The following IL26 variants were observed in gnomAD, a reference collection of about 807,000 sequenced individuals.
IL26 encodes the protein interleukin 26, also known as interleukin-26.
IL26 carries 23 observed loss-of-function variants against 21.7 expected under a neutral mutation model. The ratio of observed to expected loss-of-function variants is 1.06; its 90% confidence interval spans 0.76 to 1.50. The LOEUF (loss-of-function observed/expected upper bound fraction) is 1.50. Ranked by LOEUF, IL26 falls within the 40% of genes most tolerant of loss-of-function variation. The pLI is 0.00. For missense variants in IL26, 204 were observed against 196.0 expected (o/e 1.04, Z -0.24); for synonymous variants, 63 against 67.8 (o/e 0.93, Z 0.34).
intron 3 of IL26, among the ~76,000 whole-genome samples, chr12:68,216,918 A>G (rs557830015): frequency 1.3e-5 from 2 of 152,336 alleles, no homozygotes; most frequent in South Asian, 4.1e-4. Flanking sequence ...TTTGATCACT[A>G]GCAATTAGGT....
At chr12:68,208,501 T>C (rs1232004746) in intron 3 of IL26, among the ~76,000 whole-genome samples, 2 of 151,856 alleles carry the variant, frequency 1.3e-5, no homozygotes, top group Non-Finnish European at 2.9e-5. Context: ...TTTCTTTCTT[T>C]GTTTCTTTTT....
chr12:68,216,206 G>T (rs1391426062), intron 3 of IL26, among the ~76,000 whole-genome samples: 1 of 151,846 alleles, frequency 6.6e-6, no homozygotes, highest in Non-Finnish European at 1.5e-5. Context: ...CAGGGGAATC[G>T]CTTGAACCCA....
At position 68,201,804 on chromosome 12, in the gene IL26, T is replaced by C. The variant is rs1868395900; in HGVS notation, c.*41A>G. 6.0e-6 allele frequency: 8 copies of C among 1,322,748 alleles called. No homozygotes were observed. The highest frequency in any genetic ancestry group is 8.5e-6 in the Non-Finnish European group (8 of 945,324). The allele number at this position is 1,322,748 out of a possible 1,614,324, so 81.9% of individuals were successfully genotyped here. ...AACATATTTCTAGCAGTTCTTATTGTATTTCAAAATAACTGTAAAATCAAT... is the reference window on the plus strand; with the variant it reads ...AACATATTTCTAGCAGTTCTTATTGCATTTCAAAATAACTGTAAAATCAAT... On this transcript the variant is annotated 3_prime_UTR_variant, in exon 5 of 5. Coordinates refer to ENST00000229134, the MANE Select transcript of IL26 (RefSeq NM_018402.2).
chr12:68,202,110 A>T (rs1157541828), intron 3 of IL26, 27 bp from the exon 4 acceptor site: 2 of 1,418,264 alleles, frequency 1.4e-6, no homozygotes, highest in East Asian at 4.7e-5. Flanking sequence ...AATTACAGAT[A>T]ATATTGTTGA....
rs1485011218 is a variant in IL26, at chr12:68,209,105, A to AT, written c.364-7023dup. ...TTATGTGTTCAAAAAAATCATACAA[A>AT]TTTGTATTGCATATGATGGCTAAAG... On this transcript the variant is annotated intron_variant, in intron 3 of 4. Coordinates refer to ENST00000229134, the MANE Select transcript of IL26 (RefSeq NM_018402.2). Among the ~76,000 whole-genome samples, 8 of 152,284 alleles carry AT rather than the reference A, an allele frequency of 5.3e-5. No homozygotes were observed. In the East Asian group the frequency reaches 1.5e-3, roughly 29 times the overall value.
In IL26 at chr12:68,201,529, C is replaced by G. The variant is rs986388707; in HGVS notation, c.*316G>C. The G allele has an allele frequency of 4.1e-5, 9 of 219,130 alleles. No individual in the cohort carries two copies. The highest frequency in any genetic ancestry group is 2.1e-4 in the African/African-American group (9 of 43,234). The allele number at this position is 219,130 out of a possible 1,614,324, so 13.6% of individuals were successfully genotyped here. The stretch of plus-strand genomic sequence containing the variant: ...GTCATTCCCCCTCCACCCCCCACAT[C>G]CCACTCCACACACAAATATTACACG... On this transcript the variant is annotated 3_prime_UTR_variant, in exon 5 of 5. Coordinates refer to ENST00000229134, the MANE Select transcript of IL26 (RefSeq NM_018402.2).
chr12:68,220,733 T>G (rs904287279), intron 3 of IL26, among the ~76,000 whole-genome samples: 3 of 152,196 alleles, frequency 2.0e-5, no homozygotes, highest in African/African-American at 7.2e-5. Flanking sequence ...ACCTCCTGGG[T>G]TCAAGAGATT....
At chr12:68,221,547 A>G (rs1592901347) in intron 3 of IL26, among the ~76,000 whole-genome samples, 2 of 152,334 alleles carry the variant, frequency 1.3e-5, no homozygotes, top group African/African-American at 4.8e-5. Flanking sequence ...CTGAATTTTG[A>G]ACTATCTAAA....
chr12:68,225,019 C>G (rs1869197119), intron 3 of IL26, 130 bp downstream of exon 3: 3 of 792,068 alleles, frequency 3.8e-6, no homozygotes, highest in Non-Finnish European at 4.0e-6. Context: ...GATGACCTCT[C>G]CATTTGGACT....
chr12:68,211,162 A>G (rs1461519069), intron 3 of IL26, among the ~76,000 whole-genome samples: 1 of 152,222 alleles, frequency 6.6e-6, no homozygotes, highest in East Asian at 1.9e-4. Context: ...ATTAGCTCCC[A>G]CAAATGGGTG....
At chr12:68,212,033 C>G (rs1868747647) in intron 3 of IL26, among the ~76,000 whole-genome samples, 1 of 152,050 alleles carries the variant, frequency 6.6e-6, no homozygotes, top group African/African-American at 2.4e-5. Flanking sequence ...GGGCTCCAAT[C>G]CATTTTGATT....
intron 3 of IL26, among the ~76,000 whole-genome samples, chr12:68,218,516 A>T (rs1384640688): frequency 6.6e-6 from 1 of 151,972 alleles, no homozygotes; most frequent in Non-Finnish European, 1.5e-5. Flanking sequence ...TAGCAATAGA[A>T]ACTATTCACA....
chr12:68,215,520 C>T (rs555575204), intron 3 of IL26, among the ~76,000 whole-genome samples: 27 of 152,170 alleles, frequency 1.8e-4, no homozygotes, highest in Non-Finnish European at 3.2e-4. Context: ...GTGAAGCCAG[C>T]TTGCTTTTTC....
intron 3 of IL26, among the ~76,000 whole-genome samples, chr12:68,211,185 AGTT>A (rs1868718788): frequency 6.6e-6 from 1 of 152,200 alleles, no homozygotes; most frequent in African/African-American, 2.4e-5. Context: ...AACAGGAAAT[AGTT>A]GTCTTTCCAT....
intron 3 of IL26, among the ~76,000 whole-genome samples, chr12:68,208,478 T>TTTTC (rs3052112): frequency 0.27 from 40,848 of 150,664 alleles, 6,870 homozygotes; most frequent in Non-Finnish European, 0.39. Flanking sequence ...GAAGAAAGCA[T>TTTTC]TTTCTTTCTT....
At chr12:68,216,549 A>G (rs1293085085) in intron 3 of IL26, among the ~76,000 whole-genome samples, 3 of 152,234 alleles carry the variant, frequency 2.0e-5, no homozygotes, top group Admixed American at 6.5e-5. Context: ...TTGAAGACAC[A>G]GGTTTTAGAC....
intron 3 of IL26, among the ~76,000 whole-genome samples, chr12:68,222,721 G>A (rs1259793047): frequency 6.6e-6 from 1 of 152,142 alleles, no homozygotes; most frequent in Non-Finnish European, 1.5e-5. Flanking sequence ...GAAGGGACTT[G>A]ACCAATTGTG....
chr12:68,207,606 GTC>G (rs904823807), intron 3 of IL26, among the ~76,000 whole-genome samples: 20 of 152,156 alleles, frequency 1.3e-4, no homozygotes, highest in African/African-American at 4.6e-4. Context: ...TGAGCAGTTT[GTC>G]TCTACTCACA....
intron 3 of IL26, among the ~76,000 whole-genome samples, chr12:68,208,433 C>G (rs1485394921): frequency 6.6e-6 from 1 of 152,204 alleles, no homozygotes; most frequent in Non-Finnish European, 1.5e-5. Context: ...GCTCCCTTTG[C>G]AGCACCAATC....
Sources: gnomAD v4.1 joint callset for allele counts (sites outside exome capture counted in the v4.1 genomes callset) on GRCh38, gnomAD v4.1.1 for gene constraint, MANE v1.5 for transcripts, NCBI Gene and HGNC (gene_info 2026-07-23, HGNC 2026-07-21) for gene names.